The following PDE3B variants were observed in gnomAD, a reference collection of about 807,000 sequenced individuals.
The protein encoded by PDE3B is cGMP-inhibited 3',5'-cyclic phosphodiesterase 3B.
Under a neutral mutation model 116.8 loss-of-function variants are expected in PDE3B, and 66 were observed. That is an observed-to-expected ratio of 0.56 (90% CI 0.46 to 0.69). The LOEUF (loss-of-function observed/expected upper bound fraction) is 0.69. PDE3B is among the 30% of genes least tolerant of loss of function. The probability of loss-of-function intolerance (pLI) is 0.00; values close to 1 mark genes in which losing one functional copy is unlikely to be tolerated. For missense variants in PDE3B, 1,384 were observed against 1,368.1 expected, an observed-to-expected ratio of 1.01 and a Z score of -0.18; for synonymous variants, 595 against 533.6, an observed-to-expected ratio of 1.12 and a Z score of -1.59.
chr11:14,843,996 T>C lies in PDE3B; in HGVS notation c.2490T>C (p.Asn830=), dbSNP rs764149320. 9.3e-6 allele frequency: 15 copies of C among 1,613,964 alleles called. 1 individual carries two copies. The African/African-American group carries it at 1.5e-4, about 16-fold the overall frequency. Residue 830 remains asparagine, a synonymous_variant, in exon 12 of 16, where the codon AAT becomes AAC. Transcript: ENST00000282096. ...ATTATGATCACCCAGGGAGGACAAA[T>C]GCATTTCTAGTGGCTACAAATGCCC... ...MHDYDHPGRT[N]AFLVATNAPQ...
Position 14,644,363 on chromosome 11 carries a change from G to A in PDE3B, c.288G>A (p.Ala96=), listed in dbSNP as rs375792858. The stretch of plus-strand genomic sequence containing the variant: ...TTGTCCTCGCCCTGCTGCTGGGCGC[G>A]GAACCCGAGAGCTGGGCTGCCGGGG... The part of the protein sequence containing the change: ...AAFVLALLLG[A]EPESWAAGAA... Residue 96 remains alanine, a synonymous_variant, in exon 1 of 16, where the codon GCG becomes GCA. Coordinates refer to ENST00000282096, the MANE Select transcript of PDE3B (RefSeq NM_000922.4). 4 of 1,594,774 alleles carry A rather than the reference G, an allele frequency of 2.5e-6. No individual in the cohort carries two copies. The highest frequency in any genetic ancestry group is 2.2e-5 in the South Asian group (2 of 89,174).
chr11:14,661,647 A>C (rs1321037192), intron 1 of PDE3B, among the ~76,000 whole-genome samples: 1 of 152,162 alleles, frequency 6.6e-6, no homozygotes, highest in Non-Finnish European at 1.5e-5. Context: ...GGCGCACCAC[A>C]AGATTATATC....
chr11:14,860,906 C>T (rs575222563), intron 13 of PDE3B, among the ~76,000 whole-genome samples: 123 of 146,574 alleles, frequency 8.4e-4, no homozygotes, highest in African/African-American at 3.1e-3. Flanking sequence ...TTAATAAATA[C>T]ATATATATAT....
At chr11:14,884,550 A>C in the PDE3B span, among the ~76,000 whole-genome samples, 1 of 85,954 alleles carries the variant, frequency 1.2e-5, no homozygotes, top group East Asian at 4.0e-4. Context: ...GGGGAGGGGG[A>C]GGGATAGCAT....
chr11:14,864,079 C>G (rs1410293269), intron 14 of PDE3B, among the ~76,000 whole-genome samples: 1 of 151,988 alleles, frequency 6.6e-6, no homozygotes, highest in Non-Finnish European at 1.5e-5. Context: ...TGCAGACACA[C>G]ATAGGCTCAA....
chr11:14,662,356 GA>G (rs961588868), intron 1 of PDE3B, among the ~76,000 whole-genome samples: 21 of 152,100 alleles, frequency 1.4e-4, no homozygotes, highest in Admixed American at 3.9e-4. Flanking sequence ...CAAAGATGGG[GA>G]AAAAACAGAG....
At chr11:14,759,643 G>A (rs1857298942) in intron 1 of PDE3B, among the ~76,000 whole-genome samples, 1 of 151,486 alleles carries the variant, frequency 6.6e-6, no homozygotes, top group African/African-American at 2.4e-5. Flanking sequence ...CCGCCTCCTG[G>A]GTTCAAGTGA....
chr11:14,755,973 A>G (rs1857171018), intron 1 of PDE3B, among the ~76,000 whole-genome samples: 1 of 152,232 alleles, frequency 6.6e-6, no homozygotes, highest in African/African-American at 2.4e-5. Flanking sequence ...AAATAATTCT[A>G]CATCATTCCC....
At position 14,818,387 on chromosome 11, in the gene PDE3B, G is replaced by A; in HGVS notation, c.1727G>A (p.Cys576Tyr). The A allele has an allele frequency of 6.3e-7, 1 of 1,598,886 alleles. No individual in the cohort carries two copies. The highest frequency in any genetic ancestry group is 8.6e-7 in the Non-Finnish European group (1 of 1,166,290). Residue 576 changes from cysteine to tyrosine, a missense_variant, in exon 6 of 16, where the codon TGT becomes TAT. Transcript: ENST00000282096. ...QQLRNSDSNLCNSCGHQMLKY... is the reference protein window; with the variant it reads ...QQLRNSDSNLYNSCGHQMLKY... ...CTTAGAAATTCTGATAGCAATCTGT[G>A]TAACAGGTAAGTTTCCCAACTGTTT...
In PDE3B at chr11:14,843,861, T is replaced by A. The variant is rs768119364; in HGVS notation, c.2355T>A (p.Ala785=). 1 of 1,614,146 alleles carries A rather than the reference T, an allele frequency of 6.2e-7. No individual in the cohort carries two copies. Among genetic ancestry groups the A allele is most frequent in the Non-Finnish European group, 8.5e-7 (1 of 1,179,972 alleles). The part of the protein sequence containing the change: ...SDGRINHGRI[A]YISSKSCSNP... ...GTAGAATTAACCATGGGCGAATTGC[T>A]TATATTTCTTCGAAGAGCTGCTCTA... The change falls in exon 12 of 16, where the codon GCT becomes GCA. Residue 785 remains alanine, a synonymous_variant. Coordinates refer to ENST00000282096, the MANE Select transcript of PDE3B (RefSeq NM_000922.4).
chr11:14,720,988 A>G (rs1018811832), intron 1 of PDE3B, among the ~76,000 whole-genome samples: 8 of 128,896 alleles, frequency 6.2e-5, no homozygotes. Flanking sequence ...TGAACAGGCA[A>G]CCTACAACCT....
chr11:14,739,132 C>G (rs1856688168), intron 1 of PDE3B, among the ~76,000 whole-genome samples: 1 of 152,158 alleles, frequency 6.6e-6, no homozygotes, highest in African/African-American at 2.4e-5. Flanking sequence ...TTCTCTAATT[C>G]TGTGAAGAAA....
intron 3 of PDE3B, among the ~76,000 whole-genome samples, chr11:14,787,900 T>C (rs1000324692): frequency 5.3e-5 from 8 of 151,868 alleles, no homozygotes; most frequent in Non-Finnish European, 1.0e-4. Context: ...TTTTTAAAAA[T>C]AGTAATTCTT....
Position 14,831,758 on chromosome 11 carries a change from C to T in PDE3B, c.2075C>T (p.Ser692Leu). 4 of 1,602,756 alleles carry T rather than the reference C, an allele frequency of 2.5e-6. No homozygotes were observed. Among genetic ancestry groups the T allele is most frequent in the Non-Finnish European group, 3.4e-6 (4 of 1,173,686 alleles). ...FELVEKMGEK[S>L]GRILSQVMYT... ...CTTGTAGAAAAGATGGGAGAGAAAT[C>T]AGGAAGGATTCTCAGTCAGGTTTGC... The change falls in exon 9 of 16, where the codon TCA becomes TTA. Residue 692 changes from serine to leucine, a missense_variant. This residue lies in a region of PDE3B where 428 missense variants were observed against 561.4 expected (regional missense o/e 0.76). Coordinates refer to ENST00000282096, the MANE Select transcript of PDE3B (RefSeq NM_000922.4).
In PDE3B at chr11:14,831,200, T is replaced by C. The variant is rs1399815048; in HGVS notation, c.1956+354T>C. ...GAAAACAATGTATTTATAATGGCAA[T>C]ATAGTTTTGTTCTTAAATTTCAAAA... On this transcript the variant is annotated intron_variant, in intron 8 of 15. Coordinates refer to ENST00000282096, the MANE Select transcript of PDE3B (RefSeq NM_000922.4). Among the ~76,000 whole-genome samples the C allele has an allele frequency of 2.6e-5, 4 of 151,706 alleles. No homozygotes were observed. The East Asian group carries it at 7.7e-4, about 29-fold the overall frequency.
intron 1 of PDE3B, among the ~76,000 whole-genome samples, chr11:14,748,461 A>G (rs1304778906): frequency 7.2e-5 from 11 of 152,328 alleles, no homozygotes; most frequent in Admixed American, 4.6e-4. Context: ...GAATTTTCAC[A>G]TAATATATTA....
At chr11:14,766,470 T>C (rs1404842657) in intron 1 of PDE3B, among the ~76,000 whole-genome samples, 1 of 151,684 alleles carries the variant, frequency 6.6e-6, no homozygotes, top group African/African-American at 2.4e-5. Flanking sequence ...TTTTGCATTT[T>C]ATTGAAAAAA....
At chr11:14,721,873 T>C (rs1371949658) in intron 1 of PDE3B, among the ~76,000 whole-genome samples, 4 of 134,566 alleles carry the variant, frequency 3.0e-5, no homozygotes, top group South Asian at 2.5e-4. Context: ...CATGTATACA[T>C]ATGTAACTAA....
intron 12 of PDE3B, among the ~76,000 whole-genome samples, chr11:14,857,203 C>G (rs1226274800): frequency 6.6e-6 from 1 of 152,170 alleles, no homozygotes; most frequent in Non-Finnish European, 1.5e-5. Context: ...AAGCAGGTAA[C>G]AAGATGCTTT....
Sources: allele counts gnomAD v4.1 joint callset (sites outside exome capture counted in the v4.1 genomes callset), GRCh38; gene constraint gnomAD v4.1.1; regional missense constraint gnomAD v4.1.1; transcripts MANE v1.5; gene names NCBI Gene and HGNC (gene_info 2026-07-23, HGNC 2026-07-21).